COX7A2L: variants seen among roughly 807,000 people sequenced by gnomAD.
COX7A2L encodes cytochrome c oxidase subunit 7A2-like, mitochondrial.
In COX7A2L, 18 loss-of-function variants were observed where a neutral mutation model predicts 14.2. The ratio of observed to expected loss-of-function variants is 1.27; its 90% CI spans 0.88 to 1.88. The LOEUF (loss-of-function observed/expected upper bound fraction) is 1.88. COX7A2L is among the 40% of genes most tolerant of loss of function. The pLI is 0.00. For missense variants in COX7A2L, 179 were observed against 138.8 expected, an observed-to-expected ratio of 1.29 and a Z score of -1.46; for synonymous variants, 65 against 57.4, an observed-to-expected ratio of 1.13 and a Z score of -0.60.
chr2:42,363,017 G>A (rs1245094879), upstream of COX7A2L, among the ~76,000 whole-genome samples: 1 of 151,898 alleles, frequency 6.6e-6, no homozygotes, highest in East Asian at 1.9e-4. Flanking sequence ...TGGAACCACA[G>A]ATGCGCGCCA....
intron 1 of COX7A2L, among the ~76,000 whole-genome samples, chr2:42,356,152 G>C (rs1025874739): frequency 6.6e-6 from 1 of 152,112 alleles, no homozygotes; most frequent in Non-Finnish European, 1.5e-5. Flanking sequence ...CCTCTGCCTA[G>C]AATGATCTTC....
chr2:42,361,540 C>G (rs1246128196), upstream of COX7A2L: 9 of 176,246 alleles, frequency 5.1e-5, no homozygotes, highest in Admixed American at 3.8e-4. Flanking sequence ...TCAGGTGGAG[C>G]ATGCTTTAGG....
intron 1 of COX7A2L, among the ~76,000 whole-genome samples, chr2:42,366,709 C>G (rs149242470): frequency 3.9e-4 from 60 of 152,276 alleles, no homozygotes; most frequent in Middle Eastern, 3.4e-3. Context: ...ATTAATTTAG[C>G]ATGATGTAAA....
intron 2 of COX7A2L, among the ~76,000 whole-genome samples, chr2:42,351,982 TAAAAA>T (rs1558631516): frequency 6.6e-6 from 1 of 152,076 alleles, no homozygotes; most frequent in African/African-American, 2.4e-5. Flanking sequence ...GGCTCTGTCT[TAAAAA>T]AGATAAAAAG....
chr2:42,343,749 G>A (rs1328590863), intron 2 of COX7A2L, among the ~76,000 whole-genome samples: 1 of 152,202 alleles, frequency 6.6e-6, no homozygotes, highest in East Asian at 1.9e-4. Context: ...TTTTGACCAT[G>A]AGGAAAATCA....
Position 42,351,368 on chromosome 2 carries a change from CA to C in COX7A2L, c.205-10del. The C allele has an allele frequency of 6.2e-7, 1 of 1,611,430 alleles. No homozygotes were observed. Among genetic ancestry groups the C allele is most frequent in the Non-Finnish European group, 8.5e-7 (1 of 1,179,148 alleles). On this transcript the variant is annotated splice_polypyrimidine_tract_variant and intron_variant, in intron 2 of 2. Transcript: ENST00000234301. ...GGCACACCATCAGCTTTCTTGAAAG[CA>C]AGAATTAACAAGGGCATGGTTGAGA...
intron 1 of COX7A2L, among the ~76,000 whole-genome samples, chr2:42,356,803 G>C (rs1670832529): frequency 6.6e-6 from 1 of 152,176 alleles, no homozygotes; most frequent in Non-Finnish European, 1.5e-5. Context: ...GTGCACACCT[G>C]TGGTCCCAGC....
At position 42,338,995 on chromosome 2, in the gene COX7A2L, C is replaced by T. The variant is rs74351285; in HGVS notation, c.193-5126G>A. ...GAAGGCTGTCCCCTCTGATCACTGG[C>T]TGGAGCCTGCATCACAGTCACCCGT... On this transcript the variant is annotated intron_variant, in intron 2 of 2. Coordinates refer to the COX7A2L transcript ENST00000468711. This position sits in a 1 kb window ranked among gnomAD's most constrained non-coding sequence, Gnocchi z 4.4. 1.3e-5 allele frequency among the ~76,000 whole-genome samples: 2 copies of T among 152,192 alleles called. No individual in the cohort carries two copies. The highest frequency in any genetic ancestry group is 2.4e-5 in the African/African-American group (1 of 41,454).
intron 2 of COX7A2L, among the ~76,000 whole-genome samples, chr2:42,344,006 A>G (rs1670448902): frequency 6.6e-6 from 1 of 152,250 alleles, no homozygotes; most frequent in Non-Finnish European, 1.5e-5. Flanking sequence ...GAAAGAGCAA[A>G]GCCAGGGATA....
chr2:42,361,520 A>G (rs1195210856), upstream of COX7A2L: 3 of 187,976 alleles, frequency 1.6e-5, no homozygotes, highest in East Asian at 4.9e-4. Context: ...TAAGCCCGGC[A>G]GTGTCGGAGT....
chr2:42,354,878 TGTCA>T (rs1267857972), intron 1 of COX7A2L, among the ~76,000 whole-genome samples: 3 of 152,248 alleles, frequency 2.0e-5, no homozygotes, highest in Admixed American at 1.3e-4. Context: ...CCTTGTGAAG[TGTCA>T]GTATCATGTC....
At chr2:42,344,875 TAGAG>T (rs977650880), downstream of COX7A2L, among the ~76,000 whole-genome samples, 6 of 151,312 alleles carry the variant, frequency 4.0e-5, no homozygotes, top group East Asian at 3.9e-4. Context: ...GCATCGCAAT[TAGAG>T]GGAGGGAGCT....
downstream of COX7A2L, among the ~76,000 whole-genome samples, chr2:42,347,724 CCAGCCT>C (rs1238918482): frequency 6.6e-6 from 1 of 152,168 alleles, no homozygotes. Context: ...GAGTTCAAGA[CCAGCCT>C]GACCAACCCG....
downstream of COX7A2L, among the ~76,000 whole-genome samples, chr2:42,347,639 T>G (rs1478335616): frequency 6.6e-6 from 1 of 152,114 alleles, no homozygotes; most frequent in Non-Finnish European, 1.5e-5. Context: ...GAAAATGCGT[T>G]GGCCGGGCGT....
chr2:42,366,833 G>A (rs144511507), intron 1 of COX7A2L, among the ~76,000 whole-genome samples: 27 of 151,794 alleles, frequency 1.8e-4, no homozygotes, highest in African/African-American at 6.5e-4. Context: ...TCTCTCTCTT[G>A]TTCTTCCCTC....
At chr2:42,349,043 G>A (rs549152385), downstream of COX7A2L, among the ~76,000 whole-genome samples, 13 of 152,290 alleles carry the variant, frequency 8.5e-5, no homozygotes, top group South Asian at 2.5e-3. Context: ...AACTGAGTTG[G>A]AAACAGTCTG....
rs2103884569 is a variant in COX7A2L at position 42,350,023 on chromosome 2, A to T, written c.*1196T>A. 6.6e-6 allele frequency: 1 copy of T among 152,018 alleles called. No individual in the cohort carries two copies. The highest frequency in any genetic ancestry group is 2.4e-5 in the African/African-American group (1 of 41,426). 9.4% of individuals were successfully genotyped at this position (152,018 alleles called of 1,614,324 possible). A position where few individuals can be genotyped will look rare whatever the true frequency, so the allele number is the denominator to read the frequency against. On this transcript the variant is annotated 3_prime_UTR_variant, in exon 3 of 3. Coordinates refer to ENST00000234301, the MANE Select transcript of COX7A2L (RefSeq NM_004718.4). ...GTAGTCTGAAAATTTTCAAAATAAA[A>T]ACTTGGAGGAAATACCAGAGAATAA...
At chr2:42,353,149 A>G (rs1257695768) in intron 2 of COX7A2L, 63 bp downstream of exon 2, 3 of 1,574,096 alleles carry the variant, frequency 1.9e-6, no homozygotes, top group Admixed American at 2.0e-5. Context: ...ATTTAGTTTC[A>G]TAAGGGATTT....
intron 1 of COX7A2L, among the ~76,000 whole-genome samples, chr2:42,358,865 ACACATCTGTAACCCCAGC>A (rs1670918234): frequency 6.6e-6 from 1 of 152,230 alleles, no homozygotes; most frequent in Admixed American, 6.5e-5. Flanking sequence ...GTGTGGTGGT[ACACATCTGTAACCCCAGC>A]CACTCAGGGG....
Sources: gnomAD v4.1 joint callset for allele counts (sites outside exome capture counted in the v4.1 genomes callset) on GRCh38, gnomAD v4.1.1 for gene constraint, Gnocchi (gnomAD v3.1) non-coding constraint, MANE v1.5 for transcripts, NCBI Gene and HGNC (gene_info 2026-07-23, HGNC 2026-07-21) for gene names.